FILIP1L: variants seen among roughly 807,000 people sequenced by gnomAD.
FILIP1L encodes the protein filamin A-interacting protein 1-like.
FILIP1L carries 55 observed loss-of-function variants against 96.6 expected under a neutral mutation model. That is an observed-to-expected ratio of 0.57 (90% CI 0.46 to 0.71). The LOEUF (loss-of-function observed/expected upper bound fraction) is 0.71, where lower values mean the gene tolerates loss of function less well. FILIP1L is among the 30% of genes least tolerant of loss of function. The pLI, the probability that FILIP1L is intolerant of heterozygous loss-of-function variation, is 0.00. For missense variants in FILIP1L, 1,304 were observed against 1,321.2 expected (o/e 0.99, Z 0.20); for synonymous variants, 467 against 473.9 (o/e 0.99, Z 0.19).
At chr3:100,040,393 C>G (rs1042501029) in intron 1 of FILIP1L, 1 of 152,146 alleles carries the variant, frequency 6.6e-6, no homozygotes, top group African/African-American at 2.4e-5. Flanking sequence ...TTGTATAGTT[C>G]CAGATAATAG....
At chr3:99,905,467 T>C (rs553793847) in intron 4 of FILIP1L, among the ~76,000 whole-genome samples, 42 of 152,332 alleles carry the variant, frequency 2.8e-4, no homozygotes, top group African/African-American at 8.9e-4. Flanking sequence ...TTTGTATGTC[T>C]TGCATCTTTA....
chr3:99,969,841 A>G (rs1708763161), intron 1 of FILIP1L, among the ~76,000 whole-genome samples: 3 of 152,224 alleles, frequency 2.0e-5, no homozygotes, highest in Non-Finnish European at 4.4e-5. Flanking sequence ...ATTGTCACAA[A>G]GGGTATGTTA....
intron 4 of FILIP1L, among the ~76,000 whole-genome samples, chr3:99,899,201 G>A (rs374481396): frequency 1.3e-5 from 2 of 152,198 alleles, no homozygotes; most frequent in Admixed American, 1.3e-4. Context: ...TCTGATGTTC[G>A]TTGATCTTTA....
chr3:99,865,671 G>A (rs1486491048), intron 4 of FILIP1L, among the ~76,000 whole-genome samples: 1 of 151,938 alleles, frequency 6.6e-6, no homozygotes, highest in African/African-American at 2.4e-5. Context: ...CATTTCCATA[G>A]AACATTTCAA....
At chr3:100,040,936 G>A (rs1374883387) in intron 1 of FILIP1L, 3 of 152,104 alleles carry the variant, frequency 2.0e-5, no homozygotes, top group African/African-American at 7.2e-5. Flanking sequence ...ATTTTAAAAA[G>A]AAAAAGGTTT....
chr3:99,916,618 A>G lies in FILIP1L; in HGVS notation c.605+7612T>C, dbSNP rs9825938. ...AATCACAGGAACCTATGAGATCTCT[A>G]TCATTTTTTAAACAGATGGTGAATC... is the stretch of plus-strand genomic sequence containing the variant. On this transcript the variant is annotated intron_variant, in intron 4 of 5. Transcript: ENST00000477258. Among the ~76,000 whole-genome samples, 764 of 152,282 alleles carry G rather than the reference A, an allele frequency of 5.0e-3. 6 individuals carry two copies. Among genetic ancestry groups the G allele is most frequent in the African/African-American group, 0.017 (721 of 41,558 alleles).
chr3:99,986,328 T>C (rs945581794), intron 1 of FILIP1L, among the ~76,000 whole-genome samples: 2 of 152,184 alleles, frequency 1.3e-5, no homozygotes, highest in South Asian at 4.1e-4. Context: ...CTCCACTCCA[T>C]TGCCATAAAG....
chr3:100,007,181 C>T (rs1710012462), intron 1 of FILIP1L, among the ~76,000 whole-genome samples: 2 of 152,180 alleles, frequency 1.3e-5, no homozygotes, highest in South Asian at 4.1e-4. Flanking sequence ...TCATTTTCTG[C>T]TCTTAAGGCT....
intron 1 of FILIP1L, among the ~76,000 whole-genome samples, chr3:100,091,216 C>A (rs1237701944): frequency 6.8e-6 from 1 of 148,120 alleles, no homozygotes; most frequent in African/African-American, 2.5e-5. Context: ...ACCTGGAAGG[C>A]GGAACTTGCA....
intron 1 of FILIP1L, chr3:100,023,558 G>A (rs781288359): frequency 6.6e-6 from 1 of 152,590 alleles, no homozygotes; most frequent in African/African-American, 2.4e-5. Context: ...TTCTTGGGGG[G>A]AGAGAACATT....
chr3:100,010,584 A>G (rs1710116112), intron 1 of FILIP1L, among the ~76,000 whole-genome samples: 2 of 150,978 alleles, frequency 1.3e-5, no homozygotes, highest in Admixed American at 1.3e-4. Context: ...TGGCTAAAGC[A>G]TTCTATATCA....
intron 4 of FILIP1L, among the ~76,000 whole-genome samples, chr3:99,904,230 A>C (rs921590954): frequency 1.3e-5 from 2 of 152,380 alleles, no homozygotes; most frequent in Non-Finnish European, 2.9e-5. Flanking sequence ...GCCATAGGCC[A>C]GATTGTTTCA....
At chr3:100,079,186 G>A (rs1004525246) in intron 1 of FILIP1L, among the ~76,000 whole-genome samples, 8 of 152,188 alleles carry the variant, frequency 5.3e-5, no homozygotes, top group African/African-American at 1.2e-4. Context: ...ACTGGCTTAC[G>A]AGAATGCAAA....
intron 4 of FILIP1L, among the ~76,000 whole-genome samples, chr3:99,905,913 C>G (rs1166213135): frequency 6.6e-6 from 1 of 152,166 alleles, no homozygotes; most frequent in Non-Finnish European, 1.5e-5. Flanking sequence ...GCCTTTCTGG[C>G]CAGGCGCAGT....
intron 1 of FILIP1L, among the ~76,000 whole-genome samples, chr3:100,073,050 AGTTT>A (rs1465845450): frequency 2.6e-5 from 4 of 152,182 alleles, no homozygotes; most frequent in Non-Finnish European, 5.9e-5. Flanking sequence ...AAGCATAATT[AGTTT>A]ATGTGTATGT....
At chr3:99,887,633 C>T (rs1178640152) in intron 4 of FILIP1L, among the ~76,000 whole-genome samples, 1 of 152,144 alleles carries the variant, frequency 6.6e-6, no homozygotes, top group Non-Finnish European at 1.5e-5. Flanking sequence ...TTAAATGAAT[C>T]ATGGCATTGT....
intron 1 of FILIP1L, among the ~76,000 whole-genome samples, chr3:99,971,943 T>C (rs1321974013): frequency 1.3e-5 from 2 of 152,220 alleles, no homozygotes; most frequent in Non-Finnish European, 2.9e-5. Context: ...CCTAGATATA[T>C]GTAGTCTTGT....
chr3:99,869,320 G>A (rs1458567286), intron 4 of FILIP1L, among the ~76,000 whole-genome samples: 1 of 152,158 alleles, frequency 6.6e-6, no homozygotes, highest in Admixed American at 6.5e-5. Flanking sequence ...ATTTTATGGG[G>A]CAGAATTTGG....
chr3:100,093,388 A>C (rs1014795609), intron 1 of FILIP1L, among the ~76,000 whole-genome samples: 68 of 152,256 alleles, frequency 4.5e-4, no homozygotes, highest in African/African-American at 1.5e-3. Context: ...ATTTTGATAC[A>C]TATTTTTTCT....
Sources: allele counts gnomAD v4.1 joint callset (sites outside exome capture counted in the v4.1 genomes callset), GRCh38; gene constraint gnomAD v4.1.1; transcripts MANE v1.5; gene names NCBI Gene and HGNC (gene_info 2026-07-23, HGNC 2026-07-21).